Variants in NAALADL2 observed in about 807,000 individuals in gnomAD.
NAALADL2 encodes the protein inactive N-acetylated-alpha-linked acidic dipeptidase-like protein 2.
Under a neutral mutation model 87.2 loss-of-function variants are expected in NAALADL2, and 76 were observed. The observed-to-expected ratio is 0.87, with a 90% CI of 0.72 to 1.05. The LOEUF is 1.05. Ranked by LOEUF, NAALADL2 falls within the 50% of genes least tolerant of loss-of-function variation. NAALADL2 has a pLI of 0.00. For synonymous variants in NAALADL2, 354 were observed against 331.0 expected (o/e 1.07, Z -0.75); for missense variants, 1,089 against 945.8 (o/e 1.15, Z -1.99).
intron 13 of NAALADL2, among the ~76,000 whole-genome samples, chr3:175,759,886 C>T (rs1372794708): frequency 6.6e-6 from 1 of 152,050 alleles, no homozygotes; most frequent in Non-Finnish European, 1.5e-5. Flanking sequence ...CCCTTAAATG[C>T]TCTGTTGAGA....
At chr3:175,615,687 G>A (rs1273914173) in intron 10 of NAALADL2, among the ~76,000 whole-genome samples, 8 of 151,560 alleles carry the variant, frequency 5.3e-5, no homozygotes, top group East Asian at 3.9e-4. Context: ...GTGAAGCCTC[G>A]TCTCTACTAA....
intron 1 of NAALADL2, among the ~76,000 whole-genome samples, chr3:175,013,015 AATATATAAAT>A (rs914375306): frequency 1.5e-5 from 2 of 133,610 alleles, no homozygotes; most frequent in Non-Finnish European, 3.1e-5. Context: ...GTACATATAT[AATATATAAAT>A]ATATATAAAT....
intron 5 of NAALADL2, among the ~76,000 whole-genome samples, chr3:175,368,430 G>A (rs1765959531): frequency 6.6e-6 from 1 of 152,112 alleles, no homozygotes; most frequent in Non-Finnish European, 1.5e-5. Flanking sequence ...CAGAAGGAAT[G>A]GTACCAGTTC....
chr3:175,791,888 A>T (rs1752825918), intron 13 of NAALADL2, among the ~76,000 whole-genome samples: 1 of 144,068 alleles, frequency 6.9e-6, no homozygotes, highest in African/African-American at 2.6e-5. Context: ...ACAGTGTGGA[A>T]TTTGCTTTTA....
At chr3:174,952,275 G>A (rs1338597158) in intron 1 of NAALADL2, among the ~76,000 whole-genome samples, 1 of 152,068 alleles carries the variant, frequency 6.6e-6, no homozygotes, top group East Asian at 1.9e-4. Flanking sequence ...TCAGCACTTA[G>A]TAAATATCCA....
intron 11 of NAALADL2, among the ~76,000 whole-genome samples, chr3:175,691,481 A>T (rs1737039549): frequency 6.6e-6 from 1 of 151,832 alleles, no homozygotes; most frequent in Non-Finnish European, 1.5e-5. Context: ...ACCTAAAGAT[A>T]TTACTGAAAT....
chr3:174,855,813 CACACACAT>C (rs772854299), upstream of NAALADL2, among the ~76,000 whole-genome samples: 583 of 129,496 alleles, frequency 4.5e-3, 6 homozygotes, highest in East Asian at 0.033. Context: ...CACACACACA[CACACACAT>C]GTATATGTCT....
chr3:175,104,457 A>G (rs1722753700), intron 2 of NAALADL2, among the ~76,000 whole-genome samples: 1 of 152,166 alleles, frequency 6.6e-6, no homozygotes, highest in Non-Finnish European at 1.5e-5. Context: ...TGATGTCATC[A>G]GCAACTGTTC....
intron 13 of NAALADL2, among the ~76,000 whole-genome samples, chr3:175,776,857 A>G (rs1004470870): frequency 2.0e-5 from 3 of 152,226 alleles, no homozygotes; most frequent in Admixed American, 1.3e-4. Context: ...TTTTGGAACA[A>G]TGTCTTTATT....
At chr3:174,780,021 G>A (rs1012694442) in intron 3 of NAALADL2, among the ~76,000 whole-genome samples, 3 of 152,122 alleles carry the variant, frequency 2.0e-5, no homozygotes, top group East Asian at 3.9e-4. Flanking sequence ...GTCAATTGTA[G>A]CTTGATGGGG....
At chr3:175,678,437 T>C (rs950048805) in intron 11 of NAALADL2, among the ~76,000 whole-genome samples, 7 of 152,122 alleles carry the variant, frequency 4.6e-5, no homozygotes, top group Non-Finnish European at 2.9e-5. Context: ...ATGTTTATTG[T>C]GGCACTATTC....
intron 1 of NAALADL2, among the ~76,000 whole-genome samples, chr3:174,508,606 GACTC>G (rs1389785722): frequency 2.0e-5 from 3 of 152,290 alleles, no homozygotes; most frequent in South Asian, 2.1e-4. Flanking sequence ...TAAACTGAAA[GACTC>G]AGTTGTTGTC....
At chr3:174,460,489 T>A (rs1233734402) in intron 1 of NAALADL2, among the ~76,000 whole-genome samples, 1 of 152,066 alleles carries the variant, frequency 6.6e-6, no homozygotes, top group African/African-American at 2.4e-5. Flanking sequence ...CACTATAGAT[T>A]CAGAAAGCTT....
intron 9 of NAALADL2, among the ~76,000 whole-genome samples, chr3:175,492,088 G>A (rs1728179244): frequency 6.6e-6 from 1 of 152,112 alleles, no homozygotes; most frequent in African/African-American, 2.4e-5. Context: ...TTCAATACAG[G>A]CATATAATAA....
intron 3 of NAALADL2, among the ~76,000 whole-genome samples, chr3:174,839,790 A>G (rs1341363606): frequency 6.6e-6 from 1 of 152,128 alleles, no homozygotes; most frequent in African/African-American, 2.4e-5. Flanking sequence ...TCAGAACCAC[A>G]GTGTGATACC....
intron 5 of NAALADL2, among the ~76,000 whole-genome samples, chr3:175,439,683 G>C (rs569689604): frequency 2.2e-4 from 33 of 148,510 alleles, no homozygotes; most frequent in Non-Finnish European, 4.2e-4. Flanking sequence ...CTTTTTGATG[G>C]GATTGTTTGT....
At chr3:174,933,065 C>T (rs1286455695) in intron 1 of NAALADL2, among the ~76,000 whole-genome samples, 1 of 152,078 alleles carries the variant, frequency 6.6e-6, no homozygotes, top group Non-Finnish European at 1.5e-5. Flanking sequence ...TGCAGTGAAC[C>T]GAGATTGTGC....
At chr3:174,776,644 C>T (rs766913914) in intron 3 of NAALADL2, among the ~76,000 whole-genome samples, 15 of 152,100 alleles carry the variant, frequency 9.9e-5, no homozygotes, top group Middle Eastern at 3.2e-3. Flanking sequence ...TTATAACTGA[C>T]AGATGATCAG....
Position 174,449,861 on chromosome 3 carries a change from A to G in NAALADL2, c.-184+8829A>G, listed in dbSNP as rs1260403267. Among the ~76,000 whole-genome samples, 3 of 152,050 alleles carry G rather than the reference A, an allele frequency of 2.0e-5. No homozygotes were observed. In the East Asian group the frequency reaches 5.8e-4, roughly 29 times the overall value. ...GCAAAGAATTCCTGCCTCTCTTTTC[A>G]GTTTTTTTCTGTTACCTAAATGTTC... On this transcript the variant is annotated intron_variant, in intron 1 of 3. Transcript: ENST00000434257.
Sources: allele counts gnomAD v4.1 joint callset (sites outside exome capture counted in the v4.1 genomes callset), GRCh38; gene constraint gnomAD v4.1.1; transcripts MANE v1.5; gene names NCBI Gene and HGNC (gene_info 2026-07-23, HGNC 2026-07-21).